The following SLC71A2 variants were observed in gnomAD, a reference collection of about 807,000 sequenced individuals.
SLC71A2 encodes the protein hippocampus abundant transcript-like 1.
At chr9:94,395,177 G>C in the SLC71A2 span, among the ~76,000 whole-genome samples, 2 of 149,468 alleles carry the variant, frequency 1.3e-5, no homozygotes, top group Non-Finnish European at 3.0e-5. Context: ...GCCTCCCAAA[G>C]TGCTGGGATT....
the SLC71A2 span, among the ~76,000 whole-genome samples, chr9:94,432,254 A>G: frequency 1.3e-5 from 2 of 152,036 alleles, no homozygotes; most frequent in Admixed American, 1.3e-4. Context: ...TAATCCCAGC[A>G]CTTTGGGAGG....
At chr9:94,396,529 G>A in the SLC71A2 span, among the ~76,000 whole-genome samples, 1 of 152,040 alleles carries the variant, frequency 6.6e-6, no homozygotes, top group Non-Finnish European at 1.5e-5. Flanking sequence ...AAAAATTAAA[G>A]TAAAATGAAA....
the SLC71A2 span, among the ~76,000 whole-genome samples, chr9:94,430,142 A>T: frequency 6.6e-6 from 1 of 150,716 alleles, no homozygotes; most frequent in East Asian, 2.0e-4. Context: ...TGACCTCGTG[A>T]TCTGCCTGCC....
the SLC71A2 span, chr9:94,447,046 C>T: frequency 5.2e-5 from 32 of 609,758 alleles, no homozygotes; most frequent in African/African-American, 6.0e-4. Context: ...TGTGAACTTG[C>T]TTCTAGTTAC....
At chr9:94,444,061 AAAG>A in the SLC71A2 span, among the ~76,000 whole-genome samples, 1 of 152,238 alleles carries the variant, frequency 6.6e-6, no homozygotes, top group South Asian at 2.1e-4. Context: ...GATGGATGAA[AAAG>A]AATTTTTTAT....
chr9:94,374,589 T>G, the SLC71A2 span: 2 of 152,668 alleles, frequency 1.3e-5, no homozygotes, highest in South Asian at 4.2e-4. Flanking sequence ...AGAGTCGGGG[T>G]CGGTGCGGTT....
At chr9:94,383,613 A>T in the SLC71A2 span, among the ~76,000 whole-genome samples, 1 of 152,010 alleles carries the variant, frequency 6.6e-6, no homozygotes, top group Non-Finnish European at 1.5e-5. Flanking sequence ...CAGTCCCCCA[A>T]TCTTGTTATT....
chr9:94,456,249 G>A, the SLC71A2 span: 1 of 1,613,934 alleles, frequency 6.2e-7, no homozygotes, highest in Non-Finnish European at 8.5e-7. Context: ...GGATGATGTG[G>A]GCAGCAGGGA....
At chr9:94,449,215 A>G in the SLC71A2 span, among the ~76,000 whole-genome samples, 2 of 152,210 alleles carry the variant, frequency 1.3e-5, no homozygotes, top group African/African-American at 2.4e-5. Flanking sequence ...ACCACCACCA[A>G]TTATGACAAA....
At chr9:94,447,380 G>A in the SLC71A2 span, among the ~76,000 whole-genome samples, 2,499 of 150,856 alleles carry the variant, frequency 0.017, 72 homozygotes, top group African/African-American at 0.058. Flanking sequence ...GGGTTTCACC[G>A]TGTTGGCCAG....
chr9:94,400,067 T>A, the SLC71A2 span, among the ~76,000 whole-genome samples: 2 of 152,010 alleles, frequency 1.3e-5, no homozygotes, highest in Non-Finnish European at 2.9e-5. Context: ...CGTCTAGGCC[T>A]CCCAAAGTTC....
chr9:94,431,685 TAAG>T, the SLC71A2 span, among the ~76,000 whole-genome samples: 17 of 151,766 alleles, frequency 1.1e-4, no homozygotes, highest in African/African-American at 3.9e-4. Context: ...TATGAATAAA[TAAG>T]AAAAAAGTCC....
chr9:94,386,414 GTTT>G, the SLC71A2 span, among the ~76,000 whole-genome samples: 4 of 151,318 alleles, frequency 2.6e-5, no homozygotes, highest in African/African-American at 9.7e-5. Flanking sequence ...AGTGAAAAAA[GTTT>G]TTTAAGGTTA....
At chr9:94,427,234 T>C in the SLC71A2 span, among the ~76,000 whole-genome samples, 1 of 152,210 alleles carries the variant, frequency 6.6e-6, no homozygotes, top group Non-Finnish European at 1.5e-5. Flanking sequence ...CCTTTTAAAA[T>C]TATTATTGAC....
At chr9:94,377,427 A>G in the SLC71A2 span, among the ~76,000 whole-genome samples, 6 of 148,866 alleles carry the variant, frequency 4.0e-5, no homozygotes, top group South Asian at 2.1e-4. Flanking sequence ...CCAGGCTGCA[A>G]TGGCCAGTCA....
chr9:94,400,628 A>G, the SLC71A2 span, among the ~76,000 whole-genome samples: 1 of 149,348 alleles, frequency 6.7e-6, no homozygotes, highest in South Asian at 2.1e-4. Flanking sequence ...CTTTCCCCAT[A>G]CCCCCTTTAG....
the SLC71A2 span, among the ~76,000 whole-genome samples, chr9:94,415,736 C>T: frequency 6.6e-6 from 1 of 152,016 alleles, no homozygotes; most frequent in Admixed American, 6.6e-5. Flanking sequence ...AGGGTTTGCA[C>T]CCCTATGAGA....
chr9:94,405,383 T>C, the SLC71A2 span, among the ~76,000 whole-genome samples: 1 of 151,230 alleles, frequency 6.6e-6, no homozygotes, highest in Non-Finnish European at 1.5e-5. Context: ...TAGTCCCAGA[T>C]ACTCGGGAGG....
chr9:94,439,418 T>A, the SLC71A2 span, among the ~76,000 whole-genome samples: 5 of 152,098 alleles, frequency 3.3e-5, no homozygotes, highest in Non-Finnish European at 7.4e-5. Flanking sequence ...GTAACTTAGT[T>A]GTTTTTTTTG....
Sources: allele counts gnomAD v4.1 joint callset (sites outside exome capture counted in the v4.1 genomes callset), GRCh38; gene constraint gnomAD v4.1.1; transcripts MANE v1.5; gene names NCBI Gene and HGNC (gene_info 2026-07-23, HGNC 2026-07-21).